Variants in FAM149B1 observed in about 807,000 individuals in gnomAD.
The protein encoded by FAM149B1 is primary cilium assembly protein FAM149B1.
Under a neutral mutation model 75.3 loss-of-function variants are expected in FAM149B1, and 56 were observed. The observed-to-expected ratio is 0.74, with a 90% CI of 0.60 to 0.93. The LOEUF is 0.93. Among genes scored for constraint, FAM149B1 ranks in the 40% least tolerant of loss-of-function variants. FAM149B1 has a pLI of 0.00. For missense variants in FAM149B1, 639 were observed against 708.4 expected, an observed-to-expected ratio of 0.90 and a Z score of 1.11; for synonymous variants, 259 against 256.1, an observed-to-expected ratio of 1.01 and a Z score of -0.11.
rs149189057 is a variant in FAM149B1, at chr10:73,171,110, T to C, written c.47+2724T>C. 5.1e-4 allele frequency among the ~76,000 whole-genome samples: 77 copies of C among 152,202 alleles called. 1 individual carries two copies. The highest frequency in any genetic ancestry group is 1.8e-3 in the African/African-American group (76 of 41,540). On this transcript the variant is annotated intron_variant, in intron 1 of 13. Coordinates refer to ENST00000242505, the MANE Select transcript of FAM149B1 (RefSeq NM_173348.2). ...CAGCTTCCCAAGTCACAGGACTACA[T>C]GCCCAGCTAATTTTTGTATTTTTAG... is the stretch of plus-strand genomic sequence containing the variant.
intron 3 of FAM149B1, among the ~76,000 whole-genome samples, chr10:73,190,568 GT>G (rs1355421189): frequency 6.6e-6 from 1 of 151,998 alleles, no homozygotes; most frequent in East Asian, 1.9e-4. Flanking sequence ...CATTTTTAGG[GT>G]GAAAATACAT....
At chr10:73,198,430 G>T (rs1445767453) in intron 5 of FAM149B1, among the ~76,000 whole-genome samples, 1 of 152,182 alleles carries the variant, frequency 6.6e-6, no homozygotes, top group East Asian at 1.9e-4. Flanking sequence ...TGGAATGGGA[G>T]AAAATATTTG....
In FAM149B1 at chr10:73,208,705, C is replaced by T. The variant is rs1327843895; in HGVS notation, c.629C>T (p.Ser210Phe). The T allele has an allele frequency of 2.6e-6, 4 of 1,548,950 alleles. No homozygotes were observed. The African/African-American group carries it at 4.1e-5, about 16-fold the overall frequency. ...ATTGCCAAATCCTCCAGCTTTTGTT[C>T]TATGGAAAGAGATGAGGAAGACTCT... The part of the protein sequence containing the change: ...SSIAKSSSFC[S>F]MERDEEDSII... Residue 210 changes from serine (S) to phenylalanine (F), a missense_variant, in exon 6 of 14, where the codon TCT becomes TTT. By Grantham distance (155) the Ser-to-Phe change is radical (BLOSUM62 -2). Transcript: ENST00000242505.
At chr10:73,198,855 A>G (rs1272855772) in intron 5 of FAM149B1, among the ~76,000 whole-genome samples, 1 of 152,198 alleles carries the variant, frequency 6.6e-6, no homozygotes, top group Non-Finnish European at 1.5e-5. Flanking sequence ...GGACTTGAAT[A>G]GACGATTCTA....
At position 73,243,835 on chromosome 10, in the gene FAM149B1, A is replaced by C. The variant is rs1367854826; in HGVS notation, c.*2816A>C. On this transcript the variant is annotated 3_prime_UTR_variant, in exon 14 of 14. Coordinates refer to ENST00000242505, the MANE Select transcript of FAM149B1 (RefSeq NM_173348.2). ...ATTAAAGATGTGGCAACAAACTGCC[A>C]AGTTTACCTGAATGGCTGCCTTCAG... 1 of 1,610,124 alleles carries C rather than the reference A, an allele frequency of 6.2e-7. No individual in the cohort carries two copies. Among genetic ancestry groups the C allele is most frequent in the Non-Finnish European group, 8.5e-7 (1 of 1,178,542 alleles).
At position 73,168,308 on chromosome 10, in the gene FAM149B1, TGAGGAGGAG is replaced by T. The variant is rs762316170; in HGVS notation, c.-8_1del. Reference sequence around the variant, plus strand: ...CTGGCGTGCCTGCCCCGGCCGCGGCTGAGGAGGAGGAGGAGGAGGAGGAGGAGGAGGATG... The same window carrying T: ...CTGGCGTGCCTGCCCCGGCCGCGGCTGAGGAGGAGGAGGAGGAGGAGGATG... On this transcript the variant is annotated 5_prime_UTR_variant, in exon 1 of 14. Coordinates refer to ENST00000242505, the MANE Select transcript of FAM149B1 (RefSeq NM_173348.2). The T allele has an allele frequency of 5.1e-5, 78 of 1,532,812 alleles. No individual in the cohort carries two copies. In the African/African-American group the frequency reaches 6.5e-4, roughly 13 times the overall value. The allele number at this position is 1,532,812 out of a possible 1,614,324, so 95.0% of individuals were successfully genotyped here. A position where few individuals can be genotyped will look rare whatever the true frequency, so the allele number is the denominator to read the frequency against.
intron 12 of FAM149B1, among the ~76,000 whole-genome samples, chr10:73,235,710 T>A (rs192090535): frequency 7.9e-5 from 12 of 152,224 alleles, no homozygotes; most frequent in East Asian, 3.9e-4. Context: ...TAATAAAAAA[T>A]TTTTTTCAGA....
At position 73,168,329 on chromosome 10, in the gene FAM149B1, G is replaced by A. The variant is rs770972305; in HGVS notation, c.-11G>A. The A allele has an allele frequency of 3.2e-5, 50 of 1,549,372 alleles. No individual in the cohort carries two copies. Among genetic ancestry groups the A allele is most frequent in the Non-Finnish European group, 3.8e-5 (44 of 1,146,688 alleles). ...CGGCTGAGGAGGAGGAGGAGGAGGA[G>A]GAGGAGGAGGATGATCTCCAGATAC... is the stretch of plus-strand genomic sequence containing the variant. On this transcript the variant is annotated 5_prime_UTR_variant, in exon 1 of 14. Transcript: ENST00000242505.
chr10:73,227,786 G>A (rs2043588158), intron 7 of FAM149B1, among the ~76,000 whole-genome samples: 1 of 152,130 alleles, frequency 6.6e-6, no homozygotes, highest in African/African-American at 2.4e-5. Context: ...AAATATTTCT[G>A]TCAACTCCAA....
chr10:73,240,614 A>C (rs1016685159), intron 13 of FAM149B1, among the ~76,000 whole-genome samples: 10 of 151,764 alleles, frequency 6.6e-5, no homozygotes, highest in African/African-American at 2.4e-4. Flanking sequence ...CGGGGGACTG[A>C]GGCAGGAGAA....
At chr10:73,191,907 T>C (rs2042693554) in intron 3 of FAM149B1, among the ~76,000 whole-genome samples, 1 of 152,192 alleles carries the variant, frequency 6.6e-6, no homozygotes, top group Admixed American at 6.5e-5. Context: ...ATAGACTTTT[T>C]TTTTTTGAGA....
chr10:73,213,969 T>G (rs2043244152), intron 7 of FAM149B1, among the ~76,000 whole-genome samples: 1 of 152,210 alleles, frequency 6.6e-6, no homozygotes, highest in Non-Finnish European at 1.5e-5. Flanking sequence ...TGTTTTTCCA[T>G]GTGTTTGTAT....
At chr10:73,203,945 A>G (rs1008900825) in intron 5 of FAM149B1, among the ~76,000 whole-genome samples, 1 of 151,984 alleles carries the variant, frequency 6.6e-6, no homozygotes, top group African/African-American at 2.4e-5. Context: ...CCCACCAATC[A>G]TAATTCTTAT....
intron 3 of FAM149B1, chr10:73,183,259 TATATAA>T (rs1343955165): frequency 2.6e-5 from 4 of 152,208 alleles, no homozygotes; most frequent in African/African-American, 9.7e-5. Context: ...ATGTATATGA[TATATAA>T]AGTGTGTGTC....
intron 12 of FAM149B1, 113 bp downstream of exon 12, chr10:73,235,431 G>A (rs2043800176): frequency 6.8e-7 from 1 of 1,472,118 alleles, no homozygotes. Flanking sequence ...CAGAATAAAA[G>A]TTGAGTTTCC....
intron 1 of FAM149B1, among the ~76,000 whole-genome samples, chr10:73,172,855 G>A (rs1589131150): frequency 2.0e-5 from 3 of 151,900 alleles, no homozygotes; most frequent in South Asian, 2.1e-4. Context: ...TTGAATCCCA[G>A]TACTTTGGGA....
chr10:73,228,148 G>A lies in FAM149B1; in HGVS notation c.987G>A (p.Val329=). ...TACATCCTTTGGTGTTACCGCGAGTGCCACAGTCTAAGGTGCTGTACATTA... is the reference window on the plus strand; with the variant it reads ...TACATCCTTTGGTGTTACCGCGAGTACCACAGTCTAAGGTGCTGTACATTA... ...SELHPLVLPR[V]PQSKVLYITS... The change falls in exon 8 of 14, where the codon GTG becomes GTA. Residue 329 remains valine, a synonymous_variant. Transcript: ENST00000242505. 6.4e-7 allele frequency: 1 copy of A among 1,551,604 alleles called. No individual in the cohort carries two copies. The highest frequency in any genetic ancestry group is 8.7e-7 in the Non-Finnish European group (1 of 1,146,944).
chr10:73,234,944 T>C lies in FAM149B1; in HGVS notation c.1476+4T>C, dbSNP rs1416637390. 3.2e-6 allele frequency: 5 copies of C among 1,551,904 alleles called. No individual in the cohort carries two copies. The highest frequency in any genetic ancestry group is 2.4e-5 in the South Asian group (2 of 84,040). ...TGTGGGGCCACAAAGACAGATGGTA[T>C]GTTTCTTTCATATTGCCTCTCCATG... On this transcript the variant is annotated splice_donor_region_variant and intron_variant, in intron 11 of 13. Coordinates refer to ENST00000242505, the MANE Select transcript of FAM149B1 (RefSeq NM_173348.2).
chr10:73,182,438 C>A (rs1356615164), intron 3 of FAM149B1, among the ~76,000 whole-genome samples: 2 of 152,140 alleles, frequency 1.3e-5, no homozygotes, highest in Admixed American at 6.5e-5. Context: ...TCTCGAACTC[C>A]TGACCTCAAG....
Sources: allele counts gnomAD v4.1 joint callset (sites outside exome capture counted in the v4.1 genomes callset), GRCh38; gene constraint gnomAD v4.1.1; transcripts MANE v1.5; gene names NCBI Gene and HGNC (gene_info 2026-07-23, HGNC 2026-07-21).